The following TWIST2 variants were observed in gnomAD, a reference collection of about 807,000 sequenced individuals.
TWIST2 encodes the protein twist-related protein 2.
In TWIST2, 1 loss-of-function variant was observed where a neutral mutation model predicts 11.6. The ratio of observed to expected loss-of-function variants is 0.09; its 90% CI spans 0.03 to 0.41. The LOEUF is 0.41. TWIST2 is among the 10% of genes least tolerant of loss of function. The probability of loss-of-function intolerance (pLI) is 0.98; values close to 1 mark genes in which losing one functional copy is unlikely to be tolerated. For missense variants in TWIST2, 168 were observed against 226.4 expected (o/e 0.74, Z 1.66); for synonymous variants, 87 against 96.6 (o/e 0.90, Z 0.58).
intron 1 of TWIST2, among the ~76,000 whole-genome samples, chr2:238,902,745 G>GT (rs1693288089): frequency 4.6e-5 from 5 of 107,990 alleles, no homozygotes; most frequent in African/African-American, 7.5e-5. Context: ...GTGTGTGATG[G>GT]GTGTGATGGG....
intron 1 of TWIST2, among the ~76,000 whole-genome samples, chr2:238,884,254 A>C (rs1350449359): frequency 6.6e-6 from 1 of 152,202 alleles, no homozygotes; most frequent in East Asian, 1.9e-4. Flanking sequence ...AGGGATCCCA[A>C]GGCTCCTGGG....
At position 238,848,180 on chromosome 2, in the gene TWIST2, C is replaced by G. The variant is rs1245086240; in HGVS notation, c.-36C>G. The G allele has an allele frequency of 2.4e-5, 29 of 1,217,378 alleles. No individual in the cohort carries two copies. The highest frequency in any genetic ancestry group is 2.7e-5 in the Non-Finnish European group (26 of 979,766). The allele number at this position is 1,217,378 out of a possible 1,614,324, so 75.4% of individuals were successfully genotyped here. On this transcript the variant is annotated 5_prime_UTR_variant, in exon 1 of 2. Coordinates refer to ENST00000612363, the MANE Select transcript of TWIST2 (RefSeq NM_001271893.4). ...GGCCAGCGGCGCGCGCTCGGCGCCCCGGCGCCCCCAGCCCCACGCGCGCCG... is the reference window on the plus strand; with the variant it reads ...GGCCAGCGGCGCGCGCTCGGCGCCCGGGCGCCCCCAGCCCCACGCGCGCCG...
chr2:238,857,197 G>C (rs1692347333), intron 1 of TWIST2, among the ~76,000 whole-genome samples: 1 of 152,130 alleles, frequency 6.6e-6, no homozygotes, highest in Non-Finnish European at 1.5e-5. Context: ...AGGAAGAGGG[G>C]AGCAAGAGGA....
At chr2:238,899,503 C>T (rs879036190) in intron 1 of TWIST2, among the ~76,000 whole-genome samples, 66,136 of 152,040 alleles carry the variant, frequency 0.43, 14,452 homozygotes, top group Middle Eastern at 0.58. Flanking sequence ...TTAATCCACT[C>T]TCCCAAGGCT....
chr2:238,905,590 C>T (rs1693330225), intron 1 of TWIST2, among the ~76,000 whole-genome samples: 1 of 152,102 alleles, frequency 6.6e-6, no homozygotes. Flanking sequence ...GGGAACGGCC[C>T]CTGTCATTTT....
At chr2:238,851,092 T>C (rs36186396) in intron 1 of TWIST2, among the ~76,000 whole-genome samples, 63,869 of 152,178 alleles carry the variant, frequency 0.42, 14,239 homozygotes, top group Non-Finnish European at 0.49. Context: ...ATTATATGCA[T>C]CAGCAAAGAA....
At chr2:238,893,231 A>C (rs1299697704) in intron 1 of TWIST2, among the ~76,000 whole-genome samples, 2 of 152,186 alleles carry the variant, frequency 1.3e-5, no homozygotes, top group Non-Finnish European at 2.9e-5. Flanking sequence ...ATTTTATCAG[A>C]GGCATTTGAA....
At chr2:238,890,180 G>A (rs62191086) in intron 1 of TWIST2, among the ~76,000 whole-genome samples, 133,166 of 152,058 alleles carry the variant, frequency 0.88, 58,409 homozygotes, top group Middle Eastern at 0.93. Context: ...CAGGGAGGTG[G>A]CAGCACCAGG....
At chr2:238,900,752 C>A (rs1246869673) in intron 1 of TWIST2, among the ~76,000 whole-genome samples, 1 of 152,166 alleles carries the variant, frequency 6.6e-6, no homozygotes, top group African/African-American at 2.4e-5. Context: ...CAGCATGCAT[C>A]TGCTGGTTGT....
intron 1 of TWIST2, among the ~76,000 whole-genome samples, chr2:238,865,899 A>G (rs1007896037): frequency 1.3e-5 from 2 of 150,876 alleles, no homozygotes; most frequent in African/African-American, 2.4e-5. Flanking sequence ...CTTTCCAGTC[A>G]CTCCACCGTA....
intron 1 of TWIST2, among the ~76,000 whole-genome samples, chr2:238,905,960 TGTGC>T (rs1693346115): frequency 8.6e-6 from 1 of 116,276 alleles, no homozygotes; most frequent in African/African-American, 3.5e-5. Flanking sequence ...CGTGTGTACG[TGTGC>T]GTGTGTGTGC....
chr2:238,848,537 A>G lies in TWIST2; in HGVS notation c.322A>G (p.Lys108Glu). The change falls in exon 1 of 2, where the codon AAG becomes GAG. Residue 108 changes from lysine (K) to glutamate (E), a missense_variant. By Grantham distance (56) the Lys-to-Glu change is moderately conservative (BLOSUM62 1). This residue lies in a region of TWIST2 where 62 missense variants were observed against 75.3 expected (regional missense o/e 0.82). Transcript: ENST00000612363. ...CAAGCTGAGCAAGATCCAGACGCTC[A>G]AGCTGGCCGCCAGGTACATAGACTT... Reference protein sequence around the residue: ...SDKLSKIQTLKLAARYIDFLY... With the variant: ...SDKLSKIQTLELAARYIDFLY... 6.3e-7 allele frequency: 1 copy of G among 1,593,184 alleles called. No individual in the cohort carries two copies. Among genetic ancestry groups the G allele is most frequent in the Non-Finnish European group, 8.5e-7 (1 of 1,171,418 alleles).
chr2:238,895,002 C>A (rs2106370895), intron 1 of TWIST2, among the ~76,000 whole-genome samples: 1 of 152,260 alleles, frequency 6.6e-6, no homozygotes, highest in East Asian at 1.9e-4. Context: ...CTGCTTGTCT[C>A]CCCATATGAA....
At position 238,848,391 on chromosome 2, in the gene TWIST2, A is replaced by G; in HGVS notation, c.176A>G (p.Gln59Arg). Residue 59 changes from glutamine (Q) to arginine (R), a missense_variant, in exon 1 of 2, where the codon CAG (glutamine) becomes CGG (arginine). Coordinates refer to ENST00000612363, the MANE Select transcript of TWIST2 (RefSeq NM_001271893.4). ...KRGKKGSPSA[Q>R]SFEELQSQRI... is the part of the protein sequence containing the mutation. ...GGCAAGAAGGGCAGCCCCAGCGCGC[A>G]GTCCTTCGAGGAGCTGCAGAGCCAG... The G allele has an allele frequency of 2.6e-6, 4 of 1,535,648 alleles. No individual in the cohort carries two copies. The highest frequency in any genetic ancestry group is 3.5e-6 in the Non-Finnish European group (4 of 1,146,186).
At chr2:238,870,873 C>A (rs1408305854) in intron 1 of TWIST2, among the ~76,000 whole-genome samples, 1 of 67,496 alleles carries the variant, frequency 1.5e-5, no homozygotes, top group Non-Finnish European at 3.0e-5. Flanking sequence ...CCACACACAC[C>A]ACACACACAC....
At chr2:238,872,133 G>T (rs1330127347) in intron 1 of TWIST2, among the ~76,000 whole-genome samples, 1 of 152,166 alleles carries the variant, frequency 6.6e-6, no homozygotes, top group African/African-American at 2.4e-5. Context: ...TGGGCTGGGG[G>T]GGTCCCACAG....
At chr2:238,857,142 A>G (rs1323146326) in intron 1 of TWIST2, among the ~76,000 whole-genome samples, 1 of 152,124 alleles carries the variant, frequency 6.6e-6, no homozygotes, top group Non-Finnish European at 1.5e-5. Context: ...GAGGGGCACC[A>G]TGGGCATGGT....
chr2:238,896,820 G>A (rs1352797468), intron 1 of TWIST2, among the ~76,000 whole-genome samples: 6 of 152,162 alleles, frequency 3.9e-5, no homozygotes, highest in Non-Finnish European at 7.3e-5. Flanking sequence ...GCACGTGGTG[G>A]CCTCCTTGTC....
intron 1 of TWIST2, among the ~76,000 whole-genome samples, chr2:238,909,053 G>A (rs1693408377): frequency 1.3e-5 from 2 of 152,084 alleles, no homozygotes; most frequent in Non-Finnish European, 1.5e-5. Context: ...TGTGGTATGT[G>A]TATGTGGTGT....
Sources: gnomAD v4.1 joint callset for allele counts (sites outside exome capture counted in the v4.1 genomes callset) on GRCh38, gnomAD v4.1.1 for gene constraint, gnomAD v4.1.1 regional missense constraint, MANE v1.5 for transcripts, NCBI Gene and HGNC (gene_info 2026-07-23, HGNC 2026-07-21) for gene names.